TUSC3: variants seen among roughly 807,000 people sequenced by gnomAD.
TUSC3 encodes the protein dolichyl-diphosphooligosaccharide--protein glycosyltransferase subunit TUSC3.
TUSC3 carries 45 observed loss-of-function variants against 44.8 expected under a neutral mutation model. The observed-to-expected ratio is 1.00, with a 90% confidence interval of 0.79 to 1.29. The LOEUF is 1.29. TUSC3 is among the 50% of genes most tolerant of loss of function. The probability of loss-of-function intolerance (pLI) is 0.00; values close to 1 mark genes in which losing one functional copy is unlikely to be tolerated. For synonymous variants in TUSC3, 212 were observed against 152.9 expected (o/e 1.39, Z -2.85); for missense variants, 519 against 437.9 (o/e 1.19, Z -1.65).
chr8:15,483,327 TTG>T (rs764934259), intron 1 of TUSC3: 33 of 224,124 alleles, frequency 1.5e-4, no homozygotes, highest in Admixed American at 8.6e-5. Context: ...TTTGTTGTTG[TTG>T]TTGTTGTTTT....
At chr8:15,791,658 T>C in the TUSC3 span, among the ~76,000 whole-genome samples, 1 of 152,204 alleles carries the variant, frequency 6.6e-6, no homozygotes, top group Non-Finnish European at 1.5e-5. Flanking sequence ...AACCATTTCC[T>C]TTCTTCTTGT....
At chr8:15,543,201 G>A (rs1183428675) in intron 1 of TUSC3, among the ~76,000 whole-genome samples, 1 of 152,036 alleles carries the variant, frequency 6.6e-6, no homozygotes, top group Non-Finnish European at 1.5e-5. Flanking sequence ...ATGGAACCTG[G>A]AAGTGTAGCA....
intron 1 of TUSC3, among the ~76,000 whole-genome samples, chr8:15,600,126 A>G (rs901736696): frequency 7.2e-5 from 11 of 151,746 alleles, no homozygotes; most frequent in African/African-American, 2.7e-4. Context: ...GACATGGACA[A>G]TGCTTTTTAA....
chr8:15,795,253 T>A, the TUSC3 span, among the ~76,000 whole-genome samples: 1 of 152,126 alleles, frequency 6.6e-6, no homozygotes, highest in South Asian at 2.1e-4. Context: ...CAGGATGCAT[T>A]AGCATTTGCA....
At chr8:15,464,127 G>A (rs1472789003) in intron 1 of TUSC3, among the ~76,000 whole-genome samples, 1 of 152,122 alleles carries the variant, frequency 6.6e-6, no homozygotes, top group Non-Finnish European at 1.5e-5. Context: ...TAGCCAAAAT[G>A]GTTTACTGGT....
At chr8:15,451,402 A>G (rs745351374) in intron 1 of TUSC3, among the ~76,000 whole-genome samples, 26 of 152,036 alleles carry the variant, frequency 1.7e-4, no homozygotes, top group Non-Finnish European at 3.1e-4. Flanking sequence ...CTCAGAGGGG[A>G]GAGGGGCTGA....
the TUSC3 span, among the ~76,000 whole-genome samples, chr8:15,810,576 T>A: frequency 1.3e-5 from 2 of 151,940 alleles, no homozygotes; most frequent in Non-Finnish European, 2.9e-5. Context: ...AGGTCAAGGC[T>A]GCAATGAGCC....
chr8:15,512,521 C>A (rs906220376), intron 2 of TUSC3, among the ~76,000 whole-genome samples: 2 of 152,024 alleles, frequency 1.3e-5, no homozygotes, highest in Admixed American at 6.6e-5. Flanking sequence ...ACCTGTAATC[C>A]CAGCACTTTG....
the TUSC3 span, among the ~76,000 whole-genome samples, chr8:15,831,124 C>T: frequency 1.3e-5 from 2 of 152,114 alleles, no homozygotes; most frequent in East Asian, 3.9e-4. Context: ...AGCTAGAGAA[C>T]AAAGATGGAG....
chr8:15,652,764 C>G (rs117854630), intron 3 of TUSC3, among the ~76,000 whole-genome samples: 144 of 152,234 alleles, frequency 9.5e-4, no homozygotes, highest in Admixed American at 1.6e-3. Flanking sequence ...TGAATCCTCT[C>G]TATCATATTG....
chr8:15,813,365 G>A, the TUSC3 span, among the ~76,000 whole-genome samples: 4 of 136,920 alleles, frequency 2.9e-5, no homozygotes, highest in Non-Finnish European at 4.6e-5. Flanking sequence ...TGGTGATGTA[G>A]CATTTCTGAA....
In TUSC3 at chr8:15,759,581, C is replaced by T. The variant is rs143812220; in HGVS notation, c.*46+1726C>T. Among the ~76,000 whole-genome samples, 337 of 152,178 alleles carry T rather than the reference C, an allele frequency of 2.2e-3. 2 individuals carry two copies. Among genetic ancestry groups the T allele is most frequent in the African/African-American group, 7.8e-3 (322 of 41,538 alleles). On this transcript the variant is annotated intron_variant, in intron 10 of 10. Coordinates refer to ENST00000503731, the MANE Select transcript of TUSC3 (RefSeq NM_006765.4). ...AACAAACAAGCTTTTGATATACCCTCGGTCTCCAGTAACCACCAGTGACCA... is the reference window on the plus strand; with the variant it reads ...AACAAACAAGCTTTTGATATACCCTTGGTCTCCAGTAACCACCAGTGACCA...
the TUSC3 span, among the ~76,000 whole-genome samples, chr8:15,775,633 CATATATATATAT>C: frequency 2.4e-3 from 132 of 56,010 alleles, no homozygotes; most frequent in African/African-American, 9.6e-3. Context: ...TATACAGACA[CATATATATATAT>C]ATATACACAC....
intron 1 of TUSC3, among the ~76,000 whole-genome samples, chr8:15,438,090 G>T (rs1015519503): frequency 2.0e-5 from 3 of 151,970 alleles, no homozygotes; most frequent in Non-Finnish European, 4.4e-5. Flanking sequence ...CTTTGTTGTC[G>T]ATGTGTGTTT....
rs563669362 is a variant in TUSC3, at chr8:15,438,386, G to A, written n.91+21081G>A. 3.2e-3 allele frequency among the ~76,000 whole-genome samples: 487 copies of A among 152,302 alleles called. 3 individuals carry two copies. Among genetic ancestry groups the A allele is most frequent in the Middle Eastern group, 6.8e-3 (2 of 294 alleles). ...GCTGGGATTACAGGCGTGAGCCACC[G>A]CGCCCAGCCAGGGGTTGTTGTGTTA... On this transcript the variant is annotated intron_variant and non_coding_transcript_variant, in intron 1 of 5. Transcript: ENST00000503191.
intron 1 of TUSC3, among the ~76,000 whole-genome samples, chr8:15,572,805 G>C (rs1043968819): frequency 2.0e-5 from 3 of 152,114 alleles, no homozygotes; most frequent in Non-Finnish European, 4.4e-5. Flanking sequence ...GGAATGGGTG[G>C]TTGGTGGAGC....
intron 2 of TUSC3, among the ~76,000 whole-genome samples, chr8:15,501,103 C>G (rs148849372): frequency 7.7e-4 from 117 of 152,250 alleles, no homozygotes; most frequent in Non-Finnish European, 1.5e-3. Context: ...AAACATTTGG[C>G]CCCTAGCATC....
chr8:15,611,137 T>C (rs1161427658), intron 1 of TUSC3, among the ~76,000 whole-genome samples: 4 of 152,174 alleles, frequency 2.6e-5, no homozygotes, highest in Non-Finnish European at 5.9e-5. Context: ...TTTCTTTCTT[T>C]AATTTTTATA....
the TUSC3 span, among the ~76,000 whole-genome samples, chr8:15,827,469 TAGAC>T: frequency 3.3e-5 from 5 of 152,290 alleles, no homozygotes; most frequent in South Asian, 4.1e-4. Flanking sequence ...TGCTGTGTGA[TAGAC>T]AGATTGAAAA....
Sources: gnomAD v4.1 joint callset for allele counts (sites outside exome capture counted in the v4.1 genomes callset) on GRCh38, gnomAD v4.1.1 for gene constraint, MANE v1.5 for transcripts, NCBI Gene and HGNC (gene_info 2026-07-23, HGNC 2026-07-21) for gene names.